ZNF616: variants seen among roughly 807,000 people sequenced by gnomAD.
ZNF616 encodes zinc finger protein 616.
A neutral mutation model predicts 7.6 loss-of-function variants in ZNF616; 5 were observed. The ratio of observed to expected loss-of-function variants is 0.66; its 90% CI spans 0.34 to 1.38. The LOEUF (loss-of-function observed/expected upper bound fraction) is 1.38, where lower values mean the gene tolerates loss of function less well. ZNF616 is among the 40% of genes most tolerant of loss of function. ZNF616 has a pLI of 0.04. For missense variants in ZNF616, 913 were observed against 948.3 expected (o/e 0.96, Z 0.49); for synonymous variants, 319 against 317.2 (o/e 1.01, Z -0.06).
At chr19:52,120,392 G>A (rs962162148) in intron 3 of ZNF616, among the ~76,000 whole-genome samples, 21 of 152,212 alleles carry the variant, frequency 1.4e-4, no homozygotes, top group Non-Finnish European at 2.5e-4. Flanking sequence ...AGGCAGTAAC[G>A]GATATGAAGA....
intron 2 of ZNF616, among the ~76,000 whole-genome samples, chr19:52,127,389 G>A (rs1364748753): frequency 6.6e-6 from 1 of 152,124 alleles, no homozygotes; most frequent in Non-Finnish European, 1.5e-5. Flanking sequence ...TGGCTGTGTT[G>A]TGTAAAAGGA....
intron 3 of ZNF616, among the ~76,000 whole-genome samples, chr19:52,118,869 GC>G (rs1434610613): frequency 2.0e-5 from 3 of 152,180 alleles, no homozygotes; most frequent in Non-Finnish European, 4.4e-5. Context: ...CAGTTAGTAT[GC>G]CCACGGGATT....
intron 1 of ZNF616, among the ~76,000 whole-genome samples, chr19:52,135,221 C>T (rs796535756): frequency 6.6e-6 from 1 of 152,098 alleles, no homozygotes; most frequent in Non-Finnish European, 1.5e-5. Flanking sequence ...CTCCCCATAT[C>T]GTGCTACGAA....
rs2122132987 is a variant in ZNF616, at chr19:52,113,136, C to T, written c.*1682G>A. The stretch of plus-strand genomic sequence containing the variant: ...ACTGAATGAGCCATTTTCACACATG[C>T]ACTTGCTCCTTTAAAATACATACTG... On this transcript the variant is annotated 3_prime_UTR_variant, in exon 4 of 4. Coordinates refer to ENST00000600228, the MANE Select transcript of ZNF616 (RefSeq NM_178523.5). 6.6e-6 allele frequency: 1 copy of T among 152,308 alleles called. No individual in the cohort carries two copies. Among genetic ancestry groups the T allele is most frequent in the South Asian group, 2.1e-4 (1 of 4,834 alleles). The allele number at this position is 152,308 out of a possible 1,614,324, so 9.4% of individuals were successfully genotyped here. A position where few individuals can be genotyped will look rare whatever the true frequency, so the allele number is the denominator to read the frequency against.
In ZNF616 at chr19:52,114,952, T is replaced by G. The variant is rs1321919267; in HGVS notation, c.2212A>C (p.Ile738Leu). ...TTATAAGGTTTTTTGCCAGAATGAA[T>G]TCTTTGGTGTTTGCTGAGGGAAAAC... is the stretch of plus-strand genomic sequence containing the variant. ...RLFSLSKHQR[I>L]HSGKKPYKCN... is the part of the protein sequence containing the mutation. The change falls in exon 4 of 4, where the codon ATT (isoleucine) becomes CTT (leucine). Residue 738 changes from isoleucine (I) to leucine (L), a missense_variant. Ile to Leu is a conservative substitution (Grantham distance 5). Transcript: ENST00000600228. The G allele has an allele frequency of 6.2e-7, 1 of 1,614,070 alleles. No homozygotes were observed. The highest frequency in any genetic ancestry group is 8.5e-7 in the Non-Finnish European group (1 of 1,180,042).
chr19:52,116,304 T>C lies in ZNF616; in HGVS notation c.860A>G (p.His287Arg). 6.2e-7 allele frequency: 1 copy of C among 1,614,214 alleles called. No homozygotes were observed. Among genetic ancestry groups the C allele is most frequent in the East Asian group, 2.2e-5 (1 of 44,886 alleles). Residue 287 changes from histidine (H) to arginine (R), a missense_variant, in exon 4 of 4, where the codon CAT becomes CGT. His to Arg is a conservative substitution (Grantham distance 29). Coordinates refer to ENST00000600228, the MANE Select transcript of ZNF616 (RefSeq NM_178523.5). ...TTTTTCACCGGTATGAATTCTCTGA[T>C]GAACTGCAAGGTGGGAACTTTTACT... The part of the protein sequence containing the change: ...SFSKSSHLAV[H>R]QRIHTGEKPY...
At chr19:52,121,296 A>G (rs1158674883) in intron 3 of ZNF616, among the ~76,000 whole-genome samples, 1 of 152,214 alleles carries the variant, frequency 6.6e-6, no homozygotes, top group Admixed American at 6.5e-5. Flanking sequence ...CTCGTTTAAC[A>G]CATTTTAAAG....
chr19:52,138,067 A>C (rs777355305), intron 1 of ZNF616, among the ~76,000 whole-genome samples: 2 of 152,104 alleles, frequency 1.3e-5, no homozygotes, highest in Admixed American at 6.5e-5. Flanking sequence ...AGGAGGATGG[A>C]GTGCAGCTGA....
At chr19:52,137,927 G>A (rs949368218) in intron 1 of ZNF616, among the ~76,000 whole-genome samples, 4 of 152,092 alleles carry the variant, frequency 2.6e-5, no homozygotes, top group African/African-American at 7.2e-5. Flanking sequence ...TAACTGTAAA[G>A]CAACTACAAG....
chr19:52,125,256 T>C (rs1483527578), intron 2 of ZNF616, among the ~76,000 whole-genome samples: 1 of 152,124 alleles, frequency 6.6e-6, no homozygotes, highest in East Asian at 1.9e-4. Flanking sequence ...ATAATCTAAA[T>C]CAGATATGGG....
chr19:52,139,538 G>T lies in ZNF616; in HGVS notation c.-77+194C>A, dbSNP rs1367466631. ...GACAAGGGCGAAGCTCGGGGGTCTC[G>T]ACTGGTGGGAATCCACCTCGCGAGG... On this transcript the variant is annotated intron_variant, in intron 1 of 3. Coordinates refer to ENST00000600228, the MANE Select transcript of ZNF616 (RefSeq NM_178523.5). The surrounding 1 kb of genome is among the most constrained non-coding windows in gnomAD (Gnocchi z 4.1). Among the ~76,000 whole-genome samples the T allele has an allele frequency of 6.6e-6, 1 of 152,088 alleles. No homozygotes were observed. Among genetic ancestry groups the T allele is most frequent in the Admixed American group, 6.5e-5 (1 of 15,268 alleles).
Position 52,127,529 on chromosome 19 carries a change from T to G in ZNF616, c.12+2972A>C, listed in dbSNP as rs16983511. Among the ~76,000 whole-genome samples, 1,378 of 152,228 alleles carry G rather than the reference T, an allele frequency of 9.1e-3. 20 individuals carry two copies. The highest frequency in any genetic ancestry group is 0.032 in the African/African-American group (1,313 of 41,524). ...ACAAGATATACAGAAAAATTCAAAT[T>G]AAAGATTCAAGCAAATAAAATGTAA... On this transcript the variant is annotated intron_variant, in intron 2 of 3. Coordinates refer to ENST00000600228, the MANE Select transcript of ZNF616 (RefSeq NM_178523.5).
At chr19:52,135,251 C>T (rs1184386593) in intron 1 of ZNF616, among the ~76,000 whole-genome samples, 2 of 152,072 alleles carry the variant, frequency 1.3e-5, no homozygotes, top group African/African-American at 2.4e-5. Context: ...GCCCCAACAA[C>T]TCATAAACTC....
At chr19:52,128,275 A>G (rs999707832) in intron 2 of ZNF616, among the ~76,000 whole-genome samples, 4 of 152,122 alleles carry the variant, frequency 2.6e-5, no homozygotes, top group African/African-American at 9.6e-5. Flanking sequence ...TCCATTTTCC[A>G]ATTCCTTGGA....
Position 52,115,373 on chromosome 19 carries a change from T to C in ZNF616, c.1791A>G (p.Arg597=). Residue 597 remains arginine (R), a synonymous_variant, in exon 4 of 4, where the codon AGA becomes AGG. Transcript: ENST00000600228. ...TGTATGGTTTCTCTCCAGTATGAACTCTTCGATGCCCTACAAGATGTGAAT... is the reference window on the plus strand; with the variant it reads ...TGTATGGTTTCTCTCCAGTATGAACCCTTCGATGCCCTACAAGATGTGAAT... ...SQYSHLVGHR[R]VHTGEKPYKC... 1 of 1,614,166 alleles carries C rather than the reference T, an allele frequency of 6.2e-7. No individual in the cohort carries two copies. The highest frequency in any genetic ancestry group is 8.5e-7 in the Non-Finnish European group (1 of 1,180,024).
chr19:52,115,154 A>C lies in ZNF616; in HGVS notation c.2010T>G (p.Phe670Leu). 1 of 1,614,046 alleles carries C rather than the reference A, an allele frequency of 6.2e-7. No individual in the cohort carries two copies. The highest frequency in any genetic ancestry group is 1.3e-5 in the African/African-American group (1 of 75,000). Residue 670 changes from phenylalanine (F) to leucine (L), a missense_variant, in exon 4 of 4, where the codon TTT becomes TTG. By Grantham distance (22) the Phe-to-Leu change is conservative (BLOSUM62 0). Transcript: ENST00000600228. Reference protein sequence around the residue: ...PYKCNECGKTFKRSSNLTAHQ... With the variant: ...PYKCNECGKTLKRSSNLTAHQ... ...GTGCAGTGAGGTTTGAGCTCCGTTT[A>C]AAGGTTTTGCCACACTCATTACATT...
At chr19:52,134,978 C>T (rs746521128) in intron 1 of ZNF616, among the ~76,000 whole-genome samples, 4 of 152,106 alleles carry the variant, frequency 2.6e-5, no homozygotes, top group Non-Finnish European at 4.4e-5. Context: ...CTGTATCTTC[C>T]GAGGACAGTC....
At chr19:52,129,256 G>A (rs1325754692) in intron 2 of ZNF616, among the ~76,000 whole-genome samples, 1 of 152,090 alleles carries the variant, frequency 6.6e-6, no homozygotes, top group African/African-American at 2.4e-5. Context: ...TCCGGCCTGG[G>A]TGACAAGAGC....
intron 1 of ZNF616, among the ~76,000 whole-genome samples, chr19:52,137,053 G>GTGTATA (rs958896902): frequency 2.2e-4 from 32 of 143,696 alleles, no homozygotes; most frequent in African/African-American, 7.5e-4. Context: ...TTATGTATGT[G>GTGTATA]TATATATATA....
Sources: gnomAD v4.1 joint callset for allele counts (sites outside exome capture counted in the v4.1 genomes callset) on GRCh38, gnomAD v4.1.1 for gene constraint, Gnocchi (gnomAD v3.1) non-coding constraint, MANE v1.5 for transcripts, NCBI Gene and HGNC (gene_info 2026-07-23, HGNC 2026-07-21) for gene names.